STXBP5L: variants seen among roughly 807,000 people sequenced by gnomAD.
The protein encoded by STXBP5L is syntaxin-binding protein 5-like.
A neutral mutation model predicts 144.5 loss-of-function variants in STXBP5L; 65 were observed. The observed-to-expected ratio is 0.45, with a 90% confidence interval of 0.37 to 0.55. The LOEUF is 0.55. Ranked by LOEUF, STXBP5L falls within the 20% of genes least tolerant of loss-of-function variation. The pLI is 0.00. For missense variants in STXBP5L, 1,298 were observed against 1,405.5 expected (o/e 0.92, Z 1.22); for synonymous variants, 505 against 469.6 (o/e 1.08, Z -0.97).
chr3:121,135,093 C>A (rs1408092097), intron 7 of STXBP5L, among the ~76,000 whole-genome samples: 1 of 152,158 alleles, frequency 6.6e-6, no homozygotes, highest in African/African-American at 2.4e-5. Context: ...TTAATGATCG[C>A]CATTCTAACT....
At chr3:120,963,499 C>G (rs1189082695) in intron 3 of STXBP5L, among the ~76,000 whole-genome samples, 3 of 152,094 alleles carry the variant, frequency 2.0e-5, no homozygotes, top group South Asian at 2.1e-4. Flanking sequence ...TGAGTTTTGT[C>G]AAAGGTCTTT....
intron 3 of STXBP5L, among the ~76,000 whole-genome samples, chr3:120,993,527 A>G (rs1323835389): frequency 6.6e-6 from 1 of 151,974 alleles, no homozygotes; most frequent in African/African-American, 2.4e-5. Flanking sequence ...CTACATAAGG[A>G]TATGTCCAGT....
chr3:121,115,233 A>G (rs2044181888), intron 6 of STXBP5L, among the ~76,000 whole-genome samples, 174 bp downstream of exon 6: 1 of 152,170 alleles, frequency 6.6e-6, no homozygotes, highest in South Asian at 2.1e-4. Flanking sequence ...AGATATTACA[A>G]TATTTTAGGC....
chr3:121,356,128 C>A (rs1473600251), intron 20 of STXBP5L, among the ~76,000 whole-genome samples: 1 of 152,236 alleles, frequency 6.6e-6, no homozygotes, highest in African/African-American at 2.4e-5. Flanking sequence ...AGGTGTCTGC[C>A]AGTTAGGCTG....
intron 18 of STXBP5L, among the ~76,000 whole-genome samples, chr3:121,277,644 A>G (rs1204758796): frequency 1.3e-5 from 2 of 151,622 alleles, no homozygotes; most frequent in Non-Finnish European, 1.5e-5. Context: ...TCCTCTGGTT[A>G]TCATATTTTC....
intron 2 of STXBP5L, among the ~76,000 whole-genome samples, chr3:120,949,595 A>C (rs1020542116): frequency 6.6e-6 from 1 of 152,218 alleles, no homozygotes; most frequent in East Asian, 1.9e-4. Context: ...TTTTTGTATA[A>C]AGTGAGAGAT....
In STXBP5L at chr3:121,296,094, A is replaced by G. The variant is rs2051638231; in HGVS notation, c.2110+16138A>G. The stretch of plus-strand genomic sequence containing the variant: ...TGTTTATTTACCATAAAAGTTCTGT[A>G]TCTGTTCCAACCAGAATTTATTACA... On this transcript the variant is annotated intron_variant, in intron 19 of 26. Transcript: ENST00000471454. Among the ~76,000 whole-genome samples the G allele has an allele frequency of 2.6e-5, 4 of 152,306 alleles. No homozygotes were observed. In the South Asian group the frequency reaches 8.3e-4, roughly 32 times the overall value.
chr3:121,194,645 A>G (rs1036883042), intron 9 of STXBP5L, among the ~76,000 whole-genome samples: 1 of 152,136 alleles, frequency 6.6e-6, no homozygotes, highest in Non-Finnish European at 1.5e-5. Context: ...AAAAATTGAT[A>G]CTAATTCTTC....
At chr3:121,404,900 T>C (rs981629199) in intron 22 of STXBP5L, among the ~76,000 whole-genome samples, 5 of 152,132 alleles carry the variant, frequency 3.3e-5, no homozygotes, top group African/African-American at 1.2e-4. Context: ...AGCAGAAATT[T>C]ATTTTCTCAC....
chr3:121,274,090 C>T (rs928665592), intron 18 of STXBP5L, among the ~76,000 whole-genome samples: 1 of 152,034 alleles, frequency 6.6e-6, no homozygotes, highest in African/African-American at 2.4e-5. Context: ...GAGGTCAGTT[C>T]CTGGATAGCT....
intron 25 of STXBP5L, among the ~76,000 whole-genome samples, chr3:121,416,793 C>A (rs1326097914): frequency 6.6e-6 from 1 of 152,012 alleles, no homozygotes. Context: ...GCATGAGCCA[C>A]CACACCCAGC....
chr3:120,908,787 G>A (rs944604642), intron 1 of STXBP5L, among the ~76,000 whole-genome samples: 2 of 150,962 alleles, frequency 1.3e-5, no homozygotes, highest in Non-Finnish European at 3.0e-5. Flanking sequence ...GCGCGGCGGC[G>A]GCTGCGGGCA....
intron 19 of STXBP5L, among the ~76,000 whole-genome samples, chr3:121,314,790 A>G (rs1258767981): frequency 1.3e-5 from 2 of 152,236 alleles, no homozygotes; most frequent in Non-Finnish European, 2.9e-5. Context: ...GTTTACAAGA[A>G]AAAAACAAAC....
At chr3:121,078,837 G>A (rs758708967) in intron 5 of STXBP5L, among the ~76,000 whole-genome samples, 10 of 152,376 alleles carry the variant, frequency 6.6e-5, no homozygotes, top group East Asian at 5.8e-4. Flanking sequence ...AGGGCTGGCC[G>A]GCTGCTCTGA....
At chr3:120,974,435 G>T (rs1257015990) in intron 3 of STXBP5L, among the ~76,000 whole-genome samples, 1 of 149,324 alleles carries the variant, frequency 6.7e-6, no homozygotes, top group African/African-American at 2.5e-5. Context: ...GTAGATTCTG[G>T]ATATTAGCCC....
At chr3:121,240,963 A>G (rs1159719001) in intron 14 of STXBP5L, among the ~76,000 whole-genome samples, 1 of 152,214 alleles carries the variant, frequency 6.6e-6, no homozygotes, top group Non-Finnish European at 1.5e-5. Context: ...AAATAGAGAC[A>G]TAGCTAATGA....
rs183797131 is a variant in STXBP5L at position 121,408,100 on chromosome 3, A to G, written c.2948+497A>G. ...TGCATCCTCCATTTTACATGTGTTA[A>G]TAAAGTTACACAGTTTGCCTGAGGT... On this transcript the variant is annotated intron_variant, in intron 23 of 26. Coordinates refer to ENST00000471454, the MANE Select transcript of STXBP5L (RefSeq NM_001308330.2). Among the ~76,000 whole-genome samples the G allele has an allele frequency of 3.6e-3, 548 of 152,126 alleles. 1 individual carries two copies. The highest frequency in any genetic ancestry group is 0.013 in the African/African-American group (523 of 41,536).
chr3:121,013,118 T>C (rs1329322519), intron 3 of STXBP5L, among the ~76,000 whole-genome samples: 1 of 152,048 alleles, frequency 6.6e-6, no homozygotes, highest in Non-Finnish European at 1.5e-5. Flanking sequence ...CTGGGTTGAT[T>C]CCATGTTCTT....
intron 9 of STXBP5L, among the ~76,000 whole-genome samples, chr3:121,166,085 A>G (rs6782749): frequency 0.51 from 77,484 of 151,608 alleles, 20,248 homozygotes; most frequent in Admixed American, 0.6. Flanking sequence ...TGATCCCACC[A>G]CAGAGGTGTA....
Sources: allele counts gnomAD v4.1 joint callset (sites outside exome capture counted in the v4.1 genomes callset), GRCh38; gene constraint gnomAD v4.1.1; transcripts MANE v1.5; gene names NCBI Gene and HGNC (gene_info 2026-07-23, HGNC 2026-07-21).